CNOT1: variants seen among roughly 807,000 people sequenced by gnomAD.
CNOT1 encodes the protein CCR4-associated factor 1.
CNOT1 carries 15 observed loss-of-function variants against 273.8 expected under a neutral mutation model. That is an observed-to-expected ratio of 0.05 (90% confidence interval 0.04 to 0.08). The LOEUF is 0.08. Ranked by LOEUF, CNOT1 falls within the 10% of genes least tolerant of loss-of-function variation. The pLI is 1.00. For missense variants in CNOT1, 1,644 were observed against 2,912.2 expected (o/e 0.56, Z 10.02); for synonymous variants, 1,022 against 1,005.5 (o/e 1.02, Z -0.31).
intron 1 of CNOT1, among the ~76,000 whole-genome samples, chr16:58,625,817 C>T (rs888824913): frequency 6.8e-6 from 1 of 146,262 alleles, no homozygotes; most frequent in Admixed American, 6.9e-5. Flanking sequence ...GGGATTGTGC[C>T]GCTGCACTCC....
chr16:58,525,963 A>G (rs2039569689), intron 45 of CNOT1, 26 bp downstream of exon 45: 2 of 1,607,220 alleles, frequency 1.2e-6, no homozygotes, highest in African/African-American at 1.3e-5. Context: ...GAAGACGTAG[A>G]TGAGTTTTAA....
chr16:58,528,631 C>G lies in CNOT1; in HGVS notation c.6297G>C (p.Leu2099=). 6.2e-7 allele frequency: 1 copy of G among 1,612,534 alleles called. No individual in the cohort carries two copies. The highest frequency in any genetic ancestry group is 8.5e-7 in the Non-Finnish European group (1 of 1,179,318). The stretch of plus-strand genomic sequence containing the variant: ...CTGGGAAATCATGCAAAAGAACCAG[C>G]AGCACTCTTAAAGTGCCCTATTTTT... The part of the protein sequence containing the change: ...QILYKGTLRV[L]LVLLHDFPEF... The change falls in exon 44 of 49, where the codon CTG becomes CTC. Residue 2099 remains leucine (L), a synonymous_variant. Transcript: ENST00000317147.
At chr16:58,590,346 A>T (rs1444785919) in intron 2 of CNOT1, among the ~76,000 whole-genome samples, 1 of 152,204 alleles carries the variant, frequency 6.6e-6, no homozygotes, top group African/African-American at 2.4e-5. Flanking sequence ...ATATCATGAT[A>T]ATAACATGAA....
In CNOT1 at chr16:58,526,171, G is replaced by C. The variant is rs562156571; in HGVS notation, c.6454-33C>G. On this transcript the variant is annotated intron_variant, in intron 44 of 48. Coordinates refer to ENST00000317147, the MANE Select transcript of CNOT1 (RefSeq NM_016284.5). ...AGATAAAATGCAAGAATCACAAGCA[G>C]AATCATTTTTATTAGTAAATTACAT... The C allele has an allele frequency of 3.1e-6, 5 of 1,611,034 alleles. No homozygotes were observed. The South Asian group carries it at 5.5e-5, about 18-fold the overall frequency.
chr16:58,576,971 T>C (rs951630258), intron 13 of CNOT1, among the ~76,000 whole-genome samples: 8 of 152,384 alleles, frequency 5.2e-5, no homozygotes, highest in African/African-American at 1.9e-4. Flanking sequence ...TTAAGGTAAC[T>C]ATTTCTGATG....
chr16:58,554,177 C>G (rs976535000), intron 21 of CNOT1, among the ~76,000 whole-genome samples: 1 of 151,416 alleles, frequency 6.6e-6, no homozygotes, highest in Non-Finnish European at 1.5e-5. Flanking sequence ...AATTTGTAGT[C>G]AACTCATATA....
chr16:58,628,021 T>C (rs1165550293), intron 1 of CNOT1, among the ~76,000 whole-genome samples: 1 of 152,068 alleles, frequency 6.6e-6, no homozygotes, highest in Admixed American at 6.6e-5. Context: ...AGAGACGCGG[T>C]TGTGACATGT....
chr16:58,562,038 T>C (rs1303747599), intron 16 of CNOT1, among the ~76,000 whole-genome samples: 1 of 151,586 alleles, frequency 6.6e-6, no homozygotes, highest in Non-Finnish European at 1.5e-5. Flanking sequence ...CCATCTCTAC[T>C]AAAAATACAA....
intron 19 of CNOT1, 28 bp downstream of exon 19, chr16:58,556,819 C>G: frequency 6.2e-7 from 1 of 1,608,474 alleles, no homozygotes; most frequent in Non-Finnish European, 8.5e-7. Flanking sequence ...AGTCACACTT[C>G]ACAATCACAG....
chr16:58,605,998 T>C lies in CNOT1; in HGVS notation c.-174-6487A>G, dbSNP rs569216133. ...TAGTCTTCTCACAGCACTTCTCAAT[T>C]AAACGATGCACAGTGCAAATGAAAG... On this transcript the variant is annotated intron_variant, in intron 1 of 48. Transcript: ENST00000317147. Among the ~76,000 whole-genome samples, 14 of 152,174 alleles carry C rather than the reference T, an allele frequency of 9.2e-5. No homozygotes were observed. The South Asian group carries it at 2.9e-3, about 32-fold the overall frequency.
intron 29 of CNOT1, 78 bp from the exon 30 acceptor site, chr16:58,545,569 G>A: frequency 1.9e-6 from 3 of 1,584,470 alleles, no homozygotes; most frequent in Non-Finnish European, 2.6e-6. Flanking sequence ...ATATCATTAA[G>A]TGGTCATTAT....
At chr16:58,625,066 A>C (rs1264897545) in intron 1 of CNOT1, among the ~76,000 whole-genome samples, 2 of 151,992 alleles carry the variant, frequency 1.3e-5, no homozygotes, top group Non-Finnish European at 2.9e-5. Context: ...TGGGAAACAC[A>C]GTGAAACCTC....
chr16:58,612,753 C>T (rs1238713452), intron 1 of CNOT1, among the ~76,000 whole-genome samples: 1 of 152,122 alleles, frequency 6.6e-6, no homozygotes, highest in Non-Finnish European at 1.5e-5. Context: ...GCTGATTATA[C>T]ACTTACTAAT....
At chr16:58,627,299 G>A (rs1025679909) in intron 1 of CNOT1, among the ~76,000 whole-genome samples, 2 of 150,254 alleles carry the variant, frequency 1.3e-5, no homozygotes, top group Non-Finnish European at 3.0e-5. Context: ...CCAGCTACTC[G>A]AGGGGCTGAG....
intron 29 of CNOT1, among the ~76,000 whole-genome samples, chr16:58,545,802 A>G (rs2040241782): frequency 6.6e-6 from 1 of 152,174 alleles, no homozygotes; most frequent in South Asian, 2.1e-4. Context: ...TATGTTTTCA[A>G]CCTAGCCTGT....
Position 58,599,347 on chromosome 16 carries a change from G to A in CNOT1, c.-10C>T. The A allele has an allele frequency of 6.2e-7, 1 of 1,614,104 alleles. No homozygotes were observed. The highest frequency in any genetic ancestry group is 8.5e-7 in the Non-Finnish European group (1 of 1,180,014). ...GCGAGTCAAGATTCATTGCTGGTTG[G>A]GGCGGAAGCAGGCGGCCGAGCCCGG... On this transcript the variant is annotated 5_prime_UTR_variant, in exon 2 of 49. Coordinates refer to ENST00000317147, the MANE Select transcript of CNOT1 (RefSeq NM_016284.5).
chr16:58,567,113 A>C (rs1280211696), intron 16 of CNOT1, among the ~76,000 whole-genome samples: 2 of 152,102 alleles, frequency 1.3e-5, no homozygotes, highest in Non-Finnish European at 2.9e-5. Context: ...TGTGCCTGTG[A>C]ACATGCACTG....
chr16:58,528,991 A>G (rs1342531246), intron 43 of CNOT1, among the ~76,000 whole-genome samples: 2 of 152,082 alleles, frequency 1.3e-5, no homozygotes, highest in Non-Finnish European at 2.9e-5. Context: ...GTAAAAGCAT[A>G]TAATAAATTT....
Position 58,546,303 on chromosome 16 carries a change from ACTAATTAG to A in CNOT1, c.4006+10_4006+17del, listed in dbSNP as rs759589496. 1 of 1,604,232 alleles carries A rather than the reference ACTAATTAG, an allele frequency of 6.2e-7. No homozygotes were observed. Among genetic ancestry groups the A allele is most frequent in the South Asian group, 1.1e-5 (1 of 90,456 alleles). ...TCCTAGCTAACAGAAGCCTTCCTTG[ACTAATTAG>A]CACACTTACTTGTGGTTGTGATGGG... On this transcript the variant is annotated intron_variant, in intron 29 of 48. Coordinates refer to ENST00000317147, the MANE Select transcript of CNOT1 (RefSeq NM_016284.5).
Sources: allele counts gnomAD v4.1 joint callset (sites outside exome capture counted in the v4.1 genomes callset), GRCh38; gene constraint gnomAD v4.1.1; transcripts MANE v1.5; gene names NCBI Gene and HGNC (gene_info 2026-07-23, HGNC 2026-07-21).